CHRNA1: variants seen among roughly 807,000 people sequenced by gnomAD.
CHRNA1 encodes the protein acetylcholine receptor subunit alpha.
CHRNA1 carries 35 observed loss-of-function variants against 47.1 expected under a neutral mutation model. That is an observed-to-expected ratio of 0.74 (90% CI 0.57 to 0.99). The LOEUF (loss-of-function observed/expected upper bound fraction) is 0.99, where lower values mean the gene tolerates loss of function less well. Among genes scored for constraint, CHRNA1 ranks in the 50% least tolerant of loss-of-function variants. The pLI is 0.00. For missense variants in CHRNA1, 506 were observed against 591.1 expected, an observed-to-expected ratio of 0.86 and a Z score of 1.49; for synonymous variants, 229 against 223.6, an observed-to-expected ratio of 1.02 and a Z score of -0.22.
rs1360449894 is a variant in CHRNA1 at position 174,764,414 on chromosome 2, G to A, written c.-20C>T. ...CTCCATGGGCTACCGGAGCTTGTGT[G>A]GACCAGGGCAGAGTGGTGGCCTGTG... On this transcript the variant is annotated 5_prime_UTR_variant, in exon 1 of 9. Coordinates refer to ENST00000348749, the MANE Select transcript of CHRNA1 (RefSeq NM_000079.4). 10 of 1,610,712 alleles carry A rather than the reference G, an allele frequency of 6.2e-6. No individual in the cohort carries two copies. The highest frequency in any genetic ancestry group is 7.6e-6 in the Non-Finnish European group (9 of 1,178,422).
chr2:174,755,266 AG>A (rs1168189418), intron 4 of CHRNA1, among the ~76,000 whole-genome samples: 2 of 152,116 alleles, frequency 1.3e-5, no homozygotes, highest in African/African-American at 2.4e-5. Context: ...CAGGCAGGTG[AG>A]GAATGAGTGC....
chr2:174,752,563 C>T lies in CHRNA1; in HGVS notation c.778+940G>A, dbSNP rs994916263. Among the ~76,000 whole-genome samples the T allele has an allele frequency of 4.6e-5, 7 of 152,168 alleles. No individual in the cohort carries two copies. The East Asian group carries it at 1.3e-3, about 29-fold the overall frequency. On this transcript the variant is annotated intron_variant, in intron 6 of 8. Transcript: ENST00000348749. ...GCAGCCTGGGCAACAGAGTGAGACC[C>T]GGTCTCAAAACAAAAACAAAAATGA...
Position 174,748,547 on chromosome 2 carries a change from C to T in CHRNA1, c.1242+33G>A, listed in dbSNP as rs762359858. On this transcript the variant is annotated intron_variant, in intron 8 of 8. Coordinates refer to ENST00000348749, the MANE Select transcript of CHRNA1 (RefSeq NM_000079.4). ...TGCTCATACATTTGACCATTTAAAC[C>T]CAGAGGCATGAATTTCAAGCCACGA... 17 of 1,607,258 alleles carry T rather than the reference C, an allele frequency of 1.1e-5. No individual in the cohort carries two copies. The South Asian group carries it at 1.8e-4, about 17-fold the overall frequency.
chr2:174,759,648 G>C lies in CHRNA1; in HGVS notation c.44-15C>G. Reference sequence around the variant, plus strand: ...GACGAGGCCAGCTGAGACAGCAGATGACACCAACACTGTCAGATTCTTCTC... The same window carrying C: ...GACGAGGCCAGCTGAGACAGCAGATCACACCAACACTGTCAGATTCTTCTC... On this transcript the variant is annotated splice_polypyrimidine_tract_variant and intron_variant, in intron 1 of 8. Coordinates refer to ENST00000348749, the MANE Select transcript of CHRNA1 (RefSeq NM_000079.4). 14 of 1,612,054 alleles carry C rather than the reference G, an allele frequency of 8.7e-6. No homozygotes were observed. Among genetic ancestry groups the C allele is most frequent in the Non-Finnish European group, 1.2e-5 (14 of 1,179,864 alleles).
At chr2:174,756,660 G>T (rs34962410) in intron 4 of CHRNA1, among the ~76,000 whole-genome samples, 15,648 of 152,234 alleles carry the variant, frequency 0.1, 1,250 homozygotes, top group South Asian at 0.21. Context: ...TTACACAAAT[G>T]ATCGGATAAT....
chr2:174,759,664 G>A (rs781001748), intron 1 of CHRNA1, 31 bp from the exon 2 acceptor site: 4 of 1,610,042 alleles, frequency 2.5e-6, no homozygotes, highest in Non-Finnish European at 3.4e-6. Flanking sequence ...AACACTGTCA[G>A]ATTCTTCTCC....
At chr2:174,753,797 C>T (rs575088937) in intron 5 of CHRNA1, 57 bp from the exon 6 acceptor site, 162 of 1,534,628 alleles carry the variant, frequency 1.1e-4, no homozygotes, top group Middle Eastern at 3.4e-4. Flanking sequence ...TGAGGGGCAG[C>T]GTTTTGTAAT....
At position 174,759,603 on chromosome 2, in the gene CHRNA1, G is replaced by C. The variant is rs753460555; in HGVS notation, c.74C>G (p.Thr25Ser). The change falls in exon 2 of 9, where the codon ACC becomes AGC. Residue 25 changes from threonine to serine, a missense_variant. Transcript: ENST00000348749. ...TTTAAATAGCTTTGCCACCAGACGGGTCTCATGTTCGGAGCCCAGGACGAG... is the reference window on the plus strand; with the variant it reads ...TTTAAATAGCTTTGCCACCAGACGGCTCTCATGTTCGGAGCCCAGGACGAG... ...AGLVLGSEHE[T>S]RLVAKLFKDY... The C allele has an allele frequency of 8.1e-6, 13 of 1,613,742 alleles. No homozygotes were observed.
intron 6 of CHRNA1, chr2:174,753,250 C>A: frequency 1.6e-6 from 1 of 631,066 alleles, no homozygotes; most frequent in Non-Finnish European, 2.9e-6. Context: ...GTACTTTAAC[C>A]AGCCTAAGCT....
rs776569258 is a variant in CHRNA1 at position 174,754,428 on chromosome 2, A to T, written c.345-14T>A. 4.5e-5 allele frequency: 73 copies of T among 1,613,166 alleles called. No homozygotes were observed. Among genetic ancestry groups the T allele is most frequent in the Non-Finnish European group, 5.7e-5 (67 of 1,179,598 alleles). ...TCACCATCTGCACTACAATTGGGAT[A>T]AAAGAGGAAAATGGCTCCAAGTGAC... On this transcript the variant is annotated splice_polypyrimidine_tract_variant and intron_variant, in intron 4 of 8. Transcript: ENST00000348749.
intron 1 of CHRNA1, among the ~76,000 whole-genome samples, chr2:174,763,330 G>GCACA (rs59175013): frequency 0.01 from 576 of 55,138 alleles, 3 homozygotes; most frequent in African/African-American, 0.019. Flanking sequence ...GCACGCGCGC[G>GCACA]CACACACACA....
chr2:174,750,839 T>TG (rs1243806729), intron 6 of CHRNA1, among the ~76,000 whole-genome samples: 9 of 152,308 alleles, frequency 5.9e-5, no homozygotes, highest in Admixed American at 3.3e-4. Context: ...AAAGGAGTTC[T>TG]GGGTGGACAA....
At chr2:174,763,330 G>GCATGTGTGTGCACGCCCGCACACA (rs1684132452) in intron 1 of CHRNA1, among the ~76,000 whole-genome samples, 1 of 55,064 alleles carries the variant, frequency 1.8e-5, no homozygotes, top group African/African-American at 4.2e-5. Context: ...GCACGCGCGC[G>GCATGTGTGTGCACGCCCGCACACA]CACACACACA....
chr2:174,750,189 A>G lies in CHRNA1; in HGVS notation c.779-20T>C, dbSNP rs1339439641. On this transcript the variant is annotated intron_variant, in intron 6 of 8. Transcript: ENST00000348749. ...TCTCCCCTGAAAAGACCAAAAAAAA[A>G]AAAAAAAATCCCACAACTACCCATC... The G allele has an allele frequency of 2.5e-6, 4 of 1,600,670 alleles. No individual in the cohort carries two copies. The highest frequency in any genetic ancestry group is 2.2e-5 in the East Asian group (1 of 44,784).
At chr2:174,757,318 G>T (rs1424001351) in intron 4 of CHRNA1, among the ~76,000 whole-genome samples, 2 of 147,906 alleles carry the variant, frequency 1.4e-5, no homozygotes, top group African/African-American at 5.2e-5. Context: ...GGTTTAGAGT[G>T]ATTTTTTTTT....
At position 174,759,725 on chromosome 2, in the gene CHRNA1, C is replaced by T. The variant is rs1206432561; in HGVS notation, c.44-92G>A. ...GGAACTGAGGAACTGAGGCATAAGC[C>T]TCAGTTCCTTCTAACAGAAGGCACA... On this transcript the variant is annotated intron_variant, in intron 1 of 8. Transcript: ENST00000348749. 1.7e-5 allele frequency: 26 copies of T among 1,539,386 alleles called. No homozygotes were observed. In the Admixed American group the frequency reaches 4.5e-4, roughly 27 times the overall value.
chr2:174,761,791 C>A (rs1030362112), intron 1 of CHRNA1, among the ~76,000 whole-genome samples: 2 of 152,188 alleles, frequency 1.3e-5, no homozygotes, highest in African/African-American at 4.8e-5. Context: ...ACTTGATAAT[C>A]CTTCTGTCCT....
At chr2:174,758,761 G>A (rs906753048) in intron 3 of CHRNA1, among the ~76,000 whole-genome samples, 8 of 152,008 alleles carry the variant, frequency 5.3e-5, no homozygotes, top group East Asian at 1.9e-4. Context: ...ATTTCAGAAC[G>A]TGACCTAATT....
chr2:174,750,994 G>A (rs1156533648), intron 6 of CHRNA1, among the ~76,000 whole-genome samples: 2 of 152,190 alleles, frequency 1.3e-5, no homozygotes, highest in Non-Finnish European at 2.9e-5. Flanking sequence ...GGAGCAAGCT[G>A]TAAGACCAAA....
Sources: allele counts gnomAD v4.1 joint callset (sites outside exome capture counted in the v4.1 genomes callset), GRCh38; gene constraint gnomAD v4.1.1; transcripts MANE v1.5; gene names NCBI Gene and HGNC (gene_info 2026-07-23, HGNC 2026-07-21).